The following HBB variants were observed in gnomAD, a reference collection of about 807,000 sequenced individuals.
HBB encodes hemoglobin subunit beta.
Under a neutral mutation model 9.7 loss-of-function variants are expected in HBB, and 18 were observed. The ratio of observed to expected loss-of-function variants is 1.86; its 90% CI spans 1.28 to 2.76. The LOEUF (loss-of-function observed/expected upper bound fraction) is 2.76, where lower values mean the gene tolerates loss of function less well. Ranked by LOEUF, HBB falls within the 30% of genes most tolerant of loss-of-function variation. The pLI is 0.00. For missense variants in HBB, 156 were observed against 177.0 expected (o/e 0.88, Z 0.67); for synonymous variants, 99 against 73.6 (o/e 1.35, Z -1.77).
chr11:5,226,382 A>C, intron 2 of HBB, 195 bp downstream of exon 2: 1 of 628,174 alleles, frequency 1.6e-6, no homozygotes, highest in African/African-American at 1.8e-5. Flanking sequence ...AGAAAGCAAG[A>C]ATTAAACAAA....
At position 5,225,689 on chromosome 11, in the gene HBB, T is replaced by C. The variant is rs33935673; in HGVS notation, c.353A>G (p.His118Arg). 1.2e-6 allele frequency: 2 copies of C among 1,613,922 alleles called. No homozygotes were observed. Among genetic ancestry groups the C allele is most frequent in the African/African-American group, 1.3e-5 (1 of 74,880 alleles). Residue 118 changes from histidine (H) to arginine (R), a missense_variant, in exon 3 of 3, where the codon CAC becomes CGC. Physicochemically the swap from His to Arg is conservative, Grantham distance 29. Transcript: ENST00000335295. The stretch of plus-strand genomic sequence containing the variant: ...TGGTGGGGTGAATTCTTTGCCAAAG[T>C]GATGGGCCAGCACACAGACCAGCAC... ...GNVLVCVLAH[H>R]FGKEFTPPVQ...
At position 5,226,801 on chromosome 11, in the gene HBB, T is replaced by C. The variant is rs63750513; in HGVS notation, c.93-2A>G. On this transcript the variant is annotated splice_acceptor_variant, in intron 1 of 2. Transcript: ENST00000335295. LOFTEE classifies it high-confidence loss of function. ...GTCCAAGGGTAGACCACCAGCAGCC[T>C]AAGGGTGGGAAAATAGACCAATAGG... 1 of 1,613,822 alleles carries C rather than the reference T, an allele frequency of 6.2e-7. No homozygotes were observed. Among genetic ancestry groups the C allele is most frequent in the Non-Finnish European group, 8.5e-7 (1 of 1,179,746 alleles).
chr11:5,226,494 C>T lies in HBB; in HGVS notation c.315+83G>A. 1.6e-6 allele frequency: 2 copies of T among 1,242,908 alleles called. No individual in the cohort carries two copies. Among genetic ancestry groups the T allele is most frequent in the Non-Finnish European group, 1.2e-6 (1 of 844,570 alleles). 77.0% of individuals were successfully genotyped at this position (1,242,908 alleles called of 1,614,324 possible). ...TCTGTTTCCCATTCTAAACTGTACC[C>T]TGTTACTTATCCCCTTCCTATGACA... On this transcript the variant is annotated intron_variant, in intron 2 of 2. Coordinates refer to ENST00000335295, the MANE Select transcript of HBB (RefSeq NM_000518.5).
In HBB at chr11:5,226,894, G is replaced by GCATTCTAT. The variant is rs781015056; in HGVS notation, c.92+35_92+36insATAGAATG. The stretch of plus-strand genomic sequence containing the variant: ...GTCTCCACATGCCCAGTTTCTATTG[G>GCATTCTAT]TCTCCTTAAACCTGTCTTGTAACCT... On this transcript the variant is annotated intron_variant, in intron 1 of 2. Transcript: ENST00000335295. 10 of 1,595,626 alleles carry GCATTCTAT rather than the reference G, an allele frequency of 6.3e-6. No homozygotes were observed. Among genetic ancestry groups the GCATTCTAT allele is most frequent in the Non-Finnish European group, 8.6e-6 (10 of 1,163,186 alleles).
chr11:5,226,806 G>T lies in HBB; in HGVS notation c.93-7C>A, dbSNP rs2133588899. The T allele has an allele frequency of 1.2e-6, 2 of 1,613,360 alleles. No homozygotes were observed. The highest frequency in any genetic ancestry group is 8.5e-7 in the Non-Finnish European group (1 of 1,179,316). ...AGGGTAGACCACCAGCAGCCTAAGG[G>T]TGGGAAAATAGACCAATAGGCAGAG... On this transcript the variant is annotated splice_polypyrimidine_tract_variant and splice_region_variant and intron_variant, in intron 1 of 2. Coordinates refer to ENST00000335295, the MANE Select transcript of HBB (RefSeq NM_000518.5).
rs1052679623 is a variant in HBB, at chr11:5,226,173, A to G, written c.315+404T>C. On this transcript the variant is annotated intron_variant, in intron 2 of 2. Coordinates refer to ENST00000335295, the MANE Select transcript of HBB (RefSeq NM_000518.5). ...AAATATGTATAATGATTATGTATCA[A>G]TTAAAAATAAAAGAAAATAAAGTAG... 4 of 312,390 alleles carry G rather than the reference A, an allele frequency of 1.3e-5. No individual in the cohort carries two copies. The highest frequency in any genetic ancestry group is 2.4e-5 in the Non-Finnish European group (4 of 169,774). 19.4% of individuals were successfully genotyped at this position (312,390 alleles called of 1,614,324 possible). A position where few individuals can be genotyped will look rare whatever the true frequency, so the allele number is the denominator to read the frequency against.
At position 5,226,445 on chromosome 11, in the gene HBB, C is replaced by G. The variant is rs1329253876; in HGVS notation, c.315+132G>C. On this transcript the variant is annotated intron_variant, in intron 2 of 2. Transcript: ENST00000335295. ...AAAAGAAACTAAAACGATCCTGAGA[C>G]TTCCACACTGATGCAATCATTCGTC... The G allele has an allele frequency of 2.4e-6, 2 of 826,274 alleles. No homozygotes were observed. The highest frequency in any genetic ancestry group is 5.2e-5 in the East Asian group (2 of 38,380). The allele number at this position is 826,274 out of a possible 1,614,324, so 51.2% of individuals were successfully genotyped here. A position where few individuals can be genotyped will look rare whatever the true frequency, so the allele number is the denominator to read the frequency against.
Position 5,226,524 on chromosome 11 carries a change from C to A in HBB, c.315+53G>T. On this transcript the variant is annotated intron_variant, in intron 2 of 2. Coordinates refer to ENST00000335295, the MANE Select transcript of HBB (RefSeq NM_000518.5). Reference sequence around the variant, plus strand: ...ACTTATCCCCTTCCTATGACATGAACTTAACCATAGAAAAGAAGGGGAAAG... The same window carrying A: ...ACTTATCCCCTTCCTATGACATGAAATTAACCATAGAAAAGAAGGGGAAAG... 1 of 1,535,710 alleles carries A rather than the reference C, an allele frequency of 6.5e-7. No individual in the cohort carries two copies. Among genetic ancestry groups the A allele is most frequent in the African/African-American group, 1.4e-5 (1 of 73,418 alleles).
chr11:5,225,666 G>C lies in HBB; in HGVS notation c.376C>G (p.Pro126Ala), dbSNP rs758591462. ...ACTTTCTGATAGGCAGCCTGCACTGGTGGGGTGAATTCTTTGCCAAAGTGA... is the reference window on the plus strand; with the variant it reads ...ACTTTCTGATAGGCAGCCTGCACTGCTGGGGTGAATTCTTTGCCAAAGTGA... ...AHHFGKEFTP[P>A]VQAAYQKVVA... Residue 126 changes from proline to alanine, a missense_variant, in exon 3 of 3, where the codon CCA becomes GCA. Coordinates refer to ENST00000335295, the MANE Select transcript of HBB (RefSeq NM_000518.5). 6.2e-7 allele frequency: 1 copy of C among 1,614,016 alleles called. No individual in the cohort carries two copies. Among genetic ancestry groups the C allele is most frequent in the Non-Finnish European group, 8.5e-7 (1 of 1,179,878 alleles).
chr11:5,225,564 C>A lies in HBB; in HGVS notation c.*34G>T. The A allele has an allele frequency of 7.4e-6, 12 of 1,612,470 alleles. No homozygotes were observed. Among genetic ancestry groups the A allele is most frequent in the African/African-American group, 1.3e-5 (1 of 74,978 alleles). On this transcript the variant is annotated 3_prime_UTR_variant, in exon 3 of 3. Transcript: ENST00000335295. ...TAGTTGGACTTAGGGAACAAAGGAA[C>A]CTTTAATAGAAATTGGACAGCAAGA...
chr11:5,226,479 A>G (rs1847547406), intron 2 of HBB, 98 bp downstream of exon 2: 1 of 1,115,212 alleles, frequency 9.0e-7, no homozygotes, highest in Non-Finnish European at 1.4e-6. Flanking sequence ...TCTGTTTCCC[A>G]TTCTAAACTG....
At chr11:5,226,178 A>C in intron 2 of HBB, 1 of 315,780 alleles carries the variant, frequency 3.2e-6, no homozygotes, top group Non-Finnish European at 5.8e-6. Flanking sequence ...TATCAATTAA[A>C]AATAAAAGAA....
chr11:5,226,814 A>G lies in HBB; in HGVS notation c.93-15T>C, dbSNP rs35456885. 1.2e-6 allele frequency: 2 copies of G among 1,611,118 alleles called. No individual in the cohort carries two copies. The highest frequency in any genetic ancestry group is 3.3e-5 in the Admixed American group (2 of 59,992). On this transcript the variant is annotated splice_polypyrimidine_tract_variant and intron_variant, in intron 1 of 2. Coordinates refer to ENST00000335295, the MANE Select transcript of HBB (RefSeq NM_000518.5). ...CCACCAGCAGCCTAAGGGTGGGAAA[A>G]TAGACCAATAGGCAGAGAGAGTCAG...
rs35553496 is a variant in HBB at position 5,226,630 on chromosome 11, T to G, written c.262A>C (p.Thr88Pro). 98 of 1,613,996 alleles carry G rather than the reference T, an allele frequency of 6.1e-5. No individual in the cohort carries two copies. Among genetic ancestry groups the G allele is most frequent in the Middle Eastern group, 1.6e-4 (1 of 6,084 alleles). ...HLDNLKGTFA[T>P]LSELHCDKLH... ...TTGTCACAGTGCAGCTCACTCAGTG[T>G]GGCAAAGGTGCCCTTGAGGTTGTCC... is the stretch of plus-strand genomic sequence containing the variant. The change falls in exon 2 of 3, where the codon ACA becomes CCA. Residue 88 changes from threonine to proline, a missense_variant. By Grantham distance (38) the Thr-to-Pro change is conservative. Coordinates refer to ENST00000335295, the MANE Select transcript of HBB (RefSeq NM_000518.5).
chr11:5,225,746 G>A lies in HBB; in HGVS notation c.316-20C>T, dbSNP rs756657263. On this transcript the variant is annotated intron_variant, in intron 2 of 2. Coordinates refer to ENST00000335295, the MANE Select transcript of HBB (RefSeq NM_000518.5). Reference sequence around the variant, plus strand: ...CAGGAGCTGTGGGAGGAAGATAAGAGGTATGAACATGATTAGCAAAAGGGC... The same window carrying A: ...CAGGAGCTGTGGGAGGAAGATAAGAAGTATGAACATGATTAGCAAAAGGGC... The A allele has an allele frequency of 6.2e-7, 1 of 1,613,566 alleles. No individual in the cohort carries two copies. Among genetic ancestry groups the A allele is most frequent in the South Asian group, 1.1e-5 (1 of 91,072 alleles).
chr11:5,225,755 A>T (rs1847533217), intron 2 of HBB, 29 bp from the exon 3 acceptor site: 1 of 1,613,276 alleles, frequency 6.2e-7, no homozygotes, highest in Non-Finnish European at 8.5e-7. Flanking sequence ...AGGTATGAAC[A>T]TGATTAGCAA....
At position 5,226,329 on chromosome 11, in the gene HBB, A is replaced by G. The variant is rs532489097; in HGVS notation, c.315+248T>C. On this transcript the variant is annotated intron_variant, in intron 2 of 2. Transcript: ENST00000335295. ...TTTCCTTTTGTTATACACAATGTTAAGGCATTAAGTATAATAGTAAAAATT... is the reference window on the plus strand; with the variant it reads ...TTTCCTTTTGTTATACACAATGTTAGGGCATTAAGTATAATAGTAAAAATT... 2 of 599,346 alleles carry G rather than the reference A, an allele frequency of 3.3e-6. No individual in the cohort carries two copies. Among genetic ancestry groups the G allele is most frequent in the Admixed American group, 6.0e-5 (2 of 33,492 alleles). The allele number at this position is 599,346 out of a possible 1,614,324, so 37.1% of individuals were successfully genotyped here.
chr11:5,225,628 C>T lies in HBB; in HGVS notation c.414G>A (p.Val138=), dbSNP rs777218911. 2 of 1,614,076 alleles carry T rather than the reference C, an allele frequency of 1.2e-6. No individual in the cohort carries two copies. Among genetic ancestry groups the T allele is most frequent in the South Asian group, 2.2e-5 (2 of 91,082 alleles). The stretch of plus-strand genomic sequence containing the variant: ...GATACTTGTGGGCCAGGGCATTAGC[C>T]ACACCAGCCACCACTTTCTGATAGG... ...QAAYQKVVAG[V]ANALAHKYH is the part of the protein sequence containing the mutation. Residue 138 remains valine, a synonymous_variant, in exon 3 of 3, where the codon GTG becomes GTA. Transcript: ENST00000335295.
intron 2 of HBB, chr11:5,226,334 T>C (rs1847544894): frequency 1.7e-6 from 1 of 600,268 alleles, no homozygotes; most frequent in South Asian, 2.1e-5. Flanking sequence ...TGTTAAGGCA[T>C]TAAGTATAAT....
Sources: gnomAD v4.1 joint callset for allele counts on GRCh38, gnomAD v4.1.1 for gene constraint, MANE v1.5 for transcripts, NCBI Gene and HGNC (gene_info 2026-07-23, HGNC 2026-07-21) for gene names.